Variants in TPTE observed in about 807,000 individuals in gnomAD.
TPTE encodes the protein putative tyrosine-protein phosphatase TPTE.
TPTE carries 59 observed loss-of-function variants against 84.1 expected under a neutral mutation model. The ratio of observed to expected loss-of-function variants is 0.70; its 90% CI spans 0.57 to 0.87. The LOEUF (loss-of-function observed/expected upper bound fraction) is 0.87, where lower values mean the gene tolerates loss of function less well. TPTE is among the 40% of genes least tolerant of loss of function. The pLI is 0.00. For synonymous variants in TPTE, 130 were observed against 223.5 expected (o/e 0.58, Z 3.73); for missense variants, 382 against 659.6 (o/e 0.58, Z 4.61).
chr21:10,549,645 C>CA (rs59073771), intron 7 of TPTE, among the ~76,000 whole-genome samples: 2 of 151,812 alleles, frequency 1.3e-5, no homozygotes, highest in Admixed American at 6.6e-5. Flanking sequence ...CACAGACAGG[C>CA]AAAAAAAGGA....
chr21:10,551,532 A>G (rs1235431481), intron 7 of TPTE, among the ~76,000 whole-genome samples: 1 of 152,310 alleles, frequency 6.6e-6, no homozygotes, highest in Non-Finnish European at 1.5e-5. Context: ...AAACTAGAAT[A>G]GTAAGAACAA....
chr21:10,564,610 C>T (rs1295631470), intron 10 of TPTE, among the ~76,000 whole-genome samples: 1 of 152,306 alleles, frequency 6.6e-6, no homozygotes, highest in African/African-American at 2.4e-5. Context: ...CAACAAGATA[C>T]TAGAAAACTG....
At chr21:10,585,715 A>G (rs1600956881) in intron 17 of TPTE, among the ~76,000 whole-genome samples, 1 of 152,426 alleles carries the variant, frequency 6.6e-6, no homozygotes, top group Non-Finnish European at 1.5e-5. Context: ...GTGAACGCAC[A>G]TTGGCCTAGA....
intron 20 of TPTE, among the ~76,000 whole-genome samples, chr21:10,596,827 GAGTTT>G (rs1348879192): frequency 6.6e-6 from 1 of 152,312 alleles, no homozygotes; most frequent in Non-Finnish European, 1.5e-5. Context: ...TTAGCCTTCT[GAGTTT>G]AGTTCTACAT....
chr21:10,551,834 A>G (rs1306981327), intron 7 of TPTE, among the ~76,000 whole-genome samples: 1 of 152,308 alleles, frequency 6.6e-6, no homozygotes, highest in Non-Finnish European at 1.5e-5. Flanking sequence ...TCCTTGACCC[A>G]TACGACCTAC....
At chr21:10,603,420 G>C in intron 22 of TPTE, 142 bp from the exon 23 acceptor site, 1 of 842,068 alleles carries the variant, frequency 1.2e-6, no homozygotes, top group South Asian at 1.8e-5. Context: ...TGAGTGTATT[G>C]TTATAGATTG....
chr21:10,543,718 T>TAGTGTATTTGTCACCCTCAA (rs368845358), intron 7 of TPTE, among the ~76,000 whole-genome samples: 2,687 of 150,734 alleles, frequency 0.018, no homozygotes, highest in African/African-American at 0.064. Context: ...TTCTTCCTGT[T>TAGTGTATTTGTCACCCTCAA]AGTGTATTTG....
chr21:10,562,241 T>C (rs1247913112), intron 10 of TPTE, among the ~76,000 whole-genome samples: 2 of 152,430 alleles, frequency 1.3e-5, no homozygotes, highest in African/African-American at 2.4e-5. Context: ...CTTTCAAATA[T>C]CTGGAAAGCC....
At chr21:10,584,879 A>AGTGTGTGT (rs56198162) in intron 17 of TPTE, among the ~76,000 whole-genome samples, 3,817 of 146,332 alleles carry the variant, frequency 0.026, no homozygotes, top group African/African-American at 0.036. Flanking sequence ...ATGCTTTACG[A>AGTGTGTGT]GTGTGTGTGT....
chr21:10,527,146 C>CTT (rs2074094040), intron 2 of TPTE, among the ~76,000 whole-genome samples: 1 of 151,776 alleles, frequency 6.6e-6, no homozygotes, highest in Non-Finnish European at 1.5e-5. Context: ...CTCTCTCTCT[C>CTT]TCTCTCTCTC....
intron 10 of TPTE, among the ~76,000 whole-genome samples, chr21:10,561,978 AGTG>A (rs1381107637): frequency 1.3e-5 from 2 of 152,302 alleles, no homozygotes; most frequent in African/African-American, 4.8e-5. Flanking sequence ...CAGTCACAGT[AGTG>A]GTGGCCACAG....
At chr21:10,522,147 C>A (rs1218674471) in intron 1 of TPTE, among the ~76,000 whole-genome samples, 2 of 151,590 alleles carry the variant, frequency 1.3e-5, no homozygotes, top group African/African-American at 4.9e-5. Flanking sequence ...TTGTCTTGTC[C>A]CCCCCCAGGA....
intron 3 of TPTE, among the ~76,000 whole-genome samples, chr21:10,527,783 C>T (rs1011832607): frequency 6.6e-6 from 1 of 152,308 alleles, no homozygotes; most frequent in African/African-American, 2.4e-5. Context: ...GCTGGTGCCC[C>T]AAACTCAAAG....
intron 23 of TPTE, 141 bp from the exon 24 acceptor site, chr21:10,605,276 A>G (rs1374775729): frequency 5.1e-6 from 6 of 1,183,566 alleles, no homozygotes; most frequent in Non-Finnish European, 7.0e-6. Flanking sequence ...GAAGGAGCCA[A>G]CTGAGACACA....
intron 8 of TPTE, among the ~76,000 whole-genome samples, chr21:10,554,039 A>G (rs902688356): frequency 2.0e-5 from 3 of 152,310 alleles, no homozygotes; most frequent in African/African-American, 7.2e-5. Context: ...ACTTTGATGC[A>G]TGCACTTCTA....
intron 8 of TPTE, among the ~76,000 whole-genome samples, chr21:10,553,107 G>C (rs1410092241): frequency 6.6e-6 from 1 of 152,294 alleles, no homozygotes; most frequent in Non-Finnish European, 1.5e-5. Flanking sequence ...AAATAGTATT[G>C]ATAGCAAAAG....
At chr21:10,531,393 T>C (rs1285020908) in intron 3 of TPTE, among the ~76,000 whole-genome samples, 2 of 152,308 alleles carry the variant, frequency 1.3e-5, no homozygotes, top group Non-Finnish European at 2.9e-5. Context: ...ATTTGATCTC[T>C]GCACGTGTCA....
At chr21:10,525,428 A>G (rs1437907367) in intron 2 of TPTE, among the ~76,000 whole-genome samples, 1 of 152,306 alleles carries the variant, frequency 6.6e-6, no homozygotes, top group Non-Finnish European at 1.5e-5. Flanking sequence ...CCTCTGAAAC[A>G]TTAGGAATCT....
At chr21:10,567,187 GC>G in intron 10 of TPTE, among the ~76,000 whole-genome samples, 1 of 152,266 alleles carries the variant, frequency 6.6e-6, no homozygotes, top group Non-Finnish European at 1.5e-5. Flanking sequence ...GGTAGTAGGG[GC>G]TTGGGGGTGG....
Sources: allele counts gnomAD v4.1 joint callset (sites outside exome capture counted in the v4.1 genomes callset), GRCh38; gene constraint gnomAD v4.1.1; transcripts MANE v1.5; gene names NCBI Gene and HGNC (gene_info 2026-07-23, HGNC 2026-07-21).